Variants in EYS observed in about 807,000 individuals in gnomAD.
EYS encodes the protein EGF-like photoreceptor maintenance factor, also known as protein eyes shut homolog.
In EYS, 250 loss-of-function variants were observed where a neutral mutation model predicts 282.1. The observed-to-expected ratio is 0.89, with a 90% CI of 0.80 to 0.98. EYS has a LOEUF of 0.98. Ranked by LOEUF, EYS falls within the 50% of genes least tolerant of loss-of-function variation. The pLI is 0.00. For missense variants in EYS, 4,016 were observed against 3,709.0 expected, an observed-to-expected ratio of 1.08 and a Z score of -2.15; for synonymous variants, 1,355 against 1,282.9, an observed-to-expected ratio of 1.06 and a Z score of -1.20.
chr6:63,741,025 G>A (rs1769061839), intron 41 of EYS, among the ~76,000 whole-genome samples: 2 of 152,104 alleles, frequency 1.3e-5, no homozygotes, highest in South Asian at 2.1e-4. Context: ...AATCCATATA[G>A]GTTAATTAAG....
intron 15 of EYS, among the ~76,000 whole-genome samples, chr6:64,938,994 A>G (rs1440694665): frequency 5.9e-5 from 9 of 151,768 alleles, no homozygotes; most frequent in Non-Finnish European, 1.3e-4. Context: ...TGGTGTGTTA[A>G]TTATGTCTCA....
Position 64,591,654 on chromosome 6 carries a change from G to A in EYS, c.4213C>T (p.Pro1405Ser), listed in dbSNP as rs1766414522. The change falls in exon 26 of 43, where the codon CCT (proline) becomes TCT (serine). Residue 1405 changes from proline to serine, a missense_variant. Coordinates refer to ENST00000503581, the MANE Select transcript of EYS (RefSeq NM_001142800.2). Reference sequence around the variant, plus strand: ...TTCTCAAATAATAAAGATTGTGTAGGAAAAATAAAATCTGACATTAAGGAA... The same window carrying A: ...TTCTCAAATAATAAAGATTGTGTAGAAAAAATAAAATCTGACATTAAGGAA... ...MSSLMSDFIFPTQSLLFENCQ... is the reference protein window; with the variant it reads ...MSSLMSDFIFSTQSLLFENCQ... 6.4e-7 allele frequency: 1 copy of A among 1,551,184 alleles called. No homozygotes were observed. The highest frequency in any genetic ancestry group is 8.7e-7 in the Non-Finnish European group (1 of 1,146,708).
intron 41 of EYS, chr6:63,741,813 A>G: frequency 4.7e-6 from 3 of 643,562 alleles, no homozygotes; most frequent in East Asian, 2.8e-5. Flanking sequence ...CTAAGCTCCA[A>G]TCCTTTTTCC....
At chr6:65,313,319 G>A (rs1195847700) in intron 11 of EYS, among the ~76,000 whole-genome samples, 2 of 151,542 alleles carry the variant, frequency 1.3e-5, no homozygotes, top group Admixed American at 1.3e-4. Flanking sequence ...GAAATAATAG[G>A]AGGGTTTAGA....
At chr6:64,892,026 A>G (rs924339472) in intron 18 of EYS, among the ~76,000 whole-genome samples, 2 of 151,966 alleles carry the variant, frequency 1.3e-5, no homozygotes, top group African/African-American at 4.8e-5. Flanking sequence ...TTCAATCACT[A>G]AGATGCATTT....
intron 2 of EYS, among the ~76,000 whole-genome samples, chr6:65,521,195 T>G (rs1324879816): frequency 6.6e-6 from 1 of 152,152 alleles, no homozygotes; most frequent in Non-Finnish European, 1.5e-5. Context: ...GAAATCATGA[T>G]AGAGAATGAC....
chr6:64,580,968 G>A (rs1234968232), intron 26 of EYS, among the ~76,000 whole-genome samples: 2 of 152,042 alleles, frequency 1.3e-5, no homozygotes, highest in Non-Finnish European at 2.9e-5. Flanking sequence ...ATATGGGTAG[G>A]GAGAGAGATG....
intron 36 of EYS, among the ~76,000 whole-genome samples, chr6:63,826,310 C>T (rs115874286): frequency 0.023 from 3,460 of 152,260 alleles, 51 homozygotes; most frequent in South Asian, 0.036. Context: ...GCCTGGAAAA[C>T]GTATTTGGGG....
intron 22 of EYS, among the ~76,000 whole-genome samples, chr6:64,801,403 T>C (rs980346706): frequency 3.9e-5 from 6 of 152,148 alleles, no homozygotes; most frequent in African/African-American, 1.4e-4. Flanking sequence ...TTTTTATCAA[T>C]TCATTCAAAT....
chr6:64,930,328 C>T (rs10944771), intron 15 of EYS, among the ~76,000 whole-genome samples: 62,008 of 151,718 alleles, frequency 0.41, 13,013 homozygotes, highest in East Asian at 0.53. Flanking sequence ...TTCAAACCTC[C>T]GGTTTTTGTG....
intron 11 of EYS, among the ~76,000 whole-genome samples, chr6:65,316,710 A>G (rs143801219): frequency 2.0e-4 from 30 of 151,952 alleles, no homozygotes; most frequent in African/African-American, 6.8e-4. Context: ...ACTCCCACTT[A>G]TGAGTGAGAA....
intron 9 of EYS, among the ~76,000 whole-genome samples, chr6:65,350,314 G>A (rs1024026836): frequency 2.0e-5 from 3 of 151,370 alleles, no homozygotes; most frequent in South Asian, 2.1e-4. Context: ...CACAAAAATC[G>A]TTTAAAATTT....
chr6:63,835,274 T>C (rs1771773293), intron 36 of EYS, among the ~76,000 whole-genome samples: 1 of 147,278 alleles, frequency 6.8e-6, no homozygotes. Context: ...TATATATACA[T>C]ATATACTCTC....
At chr6:65,172,877 G>A (rs1420114826) in intron 12 of EYS, among the ~76,000 whole-genome samples, 1 of 150,926 alleles carries the variant, frequency 6.6e-6, no homozygotes, top group East Asian at 2.0e-4. Flanking sequence ...GACATAGTAT[G>A]CTTGACATGT....
At chr6:65,321,871 A>T (rs1314763901) in intron 11 of EYS, among the ~76,000 whole-genome samples, 1 of 152,202 alleles carries the variant, frequency 6.6e-6, no homozygotes, top group South Asian at 2.1e-4. Context: ...ATGGAAAGTT[A>T]GTGAAGGAGA....
At chr6:65,412,569 T>C (rs1178640176) in intron 5 of EYS, among the ~76,000 whole-genome samples, 1 of 152,170 alleles carries the variant, frequency 6.6e-6, no homozygotes, top group African/African-American at 2.4e-5. Flanking sequence ...TAATTTGCAT[T>C]TATCTCATGG....
chr6:63,789,251 G>C, intron 37 of EYS, 27 bp from the exon 38 acceptor site: 1 of 1,541,094 alleles, frequency 6.5e-7, no homozygotes, highest in South Asian at 1.2e-5. Flanking sequence ...CATGGGGAAT[G>C]CTCACTGAGA....
At chr6:65,224,189 T>C (rs1023000958) in intron 12 of EYS, among the ~76,000 whole-genome samples, 1 of 151,892 alleles carries the variant, frequency 6.6e-6, no homozygotes, top group South Asian at 2.1e-4. Flanking sequence ...TCTCAAAATA[T>C]TAAAAAAATT....
At chr6:64,021,524 T>C (rs980288502) in intron 33 of EYS, among the ~76,000 whole-genome samples, 3 of 152,162 alleles carry the variant, frequency 2.0e-5, no homozygotes, top group Admixed American at 6.6e-5. Context: ...GAGAAAAATG[T>C]TCCAAAGTAA....
Sources: allele counts gnomAD v4.1 joint callset (sites outside exome capture counted in the v4.1 genomes callset), GRCh38; gene constraint gnomAD v4.1.1; transcripts MANE v1.5; gene names NCBI Gene and HGNC (gene_info 2026-07-23, HGNC 2026-07-21).